ZNF844: variants seen among roughly 807,000 people sequenced by gnomAD.
ZNF844 encodes zinc finger protein 844.
In ZNF844, 11 loss-of-function variants were observed where a neutral mutation model predicts 11.4. The ratio of observed to expected loss-of-function variants is 0.97; its 90% CI spans 0.61 to 1.60. The LOEUF is 1.60. ZNF844 is among the 40% of genes most tolerant of loss of function. The pLI is 0.00. For synonymous variants in ZNF844, 248 were observed against 260.3 expected (o/e 0.95, Z 0.46); for missense variants, 790 against 796.8 (o/e 0.99, Z 0.10).
At chr19:12,071,096 T>C (rs1975748527) in intron 1 of ZNF844, among the ~76,000 whole-genome samples, 1 of 152,162 alleles carries the variant, frequency 6.6e-6, no homozygotes, top group Non-Finnish European at 1.5e-5. Context: ...CCCAGCCTAG[T>C]TCTTGCTAGG....
intron 1 of ZNF844, among the ~76,000 whole-genome samples, chr19:12,073,777 C>T (rs1444133856): frequency 1.3e-5 from 2 of 152,216 alleles, no homozygotes; most frequent in African/African-American, 4.8e-5. Flanking sequence ...CCAGGCAGCG[C>T]ACCTTTCTCC....
chr19:12,074,601 G>A (rs890622585), intron 3 of ZNF844, among the ~76,000 whole-genome samples, 180 bp downstream of exon 3: 5 of 152,206 alleles, frequency 3.3e-5, no homozygotes, highest in Non-Finnish European at 7.3e-5. Context: ...GCTCACACCT[G>A]TAATTTCAAC....
At chr19:12,067,237 CCAGT>C (rs1975698988) in intron 1 of ZNF844, among the ~76,000 whole-genome samples, 1 of 151,856 alleles carries the variant, frequency 6.6e-6, no homozygotes, top group South Asian at 2.1e-4. Context: ...TCCCTGGAGG[CCAGT>C]CAGTCAAGGC....
intron 1 of ZNF844, among the ~76,000 whole-genome samples, chr19:12,065,850 G>T (rs371001474): frequency 3.3e-5 from 5 of 152,098 alleles, no homozygotes; most frequent in African/African-American, 1.2e-4. Flanking sequence ...GGCCAAGGTG[G>T]TCTTGAACTC....
At chr19:12,067,903 C>T (rs147737282) in intron 1 of ZNF844, among the ~76,000 whole-genome samples, 1,281 of 91,924 alleles carry the variant, frequency 0.014, 15 homozygotes, top group African/African-American at 0.052. Flanking sequence ...CAGAGCGAGA[C>T]TCTGTCTCAA....
Position 12,071,467 on chromosome 19 carries a change from G to A in ZNF844, c.4-2564G>A, listed in dbSNP as rs575859255. 7.2e-5 allele frequency among the ~76,000 whole-genome samples: 11 copies of A among 152,232 alleles called. 1 individual carries two copies. The East Asian group carries it at 1.9e-3, about 27-fold the overall frequency. On this transcript the variant is annotated intron_variant, in intron 1 of 3. Transcript: ENST00000439326. Reference sequence around the variant, plus strand: ...GCTTGTGTAAAATTCAATGAATGCTGGCAGCAAGCTGCACTTTTTTTTCTA... The same window carrying A: ...GCTTGTGTAAAATTCAATGAATGCTAGCAGCAAGCTGCACTTTTTTTTCTA...
chr19:12,068,205 G>A (rs1457428816), intron 1 of ZNF844, among the ~76,000 whole-genome samples: 1 of 152,080 alleles, frequency 6.6e-6, no homozygotes, highest in African/African-American at 2.4e-5. Flanking sequence ...AGCCACTTGG[G>A]AGGCTGAAGT....
rs1975810456 is a variant in ZNF844 at position 12,076,040 on chromosome 19, AG to A, written c.922del (p.Ala308LeufsTer22). ...QIHERTHSEE[K>X]AYECTKCGKA... Reference sequence around the variant, plus strand: ...CATGAAAGAACTCACAGTGAGGAGAAGGCTTATGAATGTACCAAATGTGGGA... The same window carrying A: ...CATGAAAGAACTCACAGTGAGGAGAAGCTTATGAATGTACCAAATGTGGGA... On this transcript the variant is annotated frameshift_variant, in exon 4 of 4. Transcript: ENST00000439326. LOFTEE classifies it low-confidence loss of function (END_TRUNC). The A allele has an allele frequency of 7.7e-6, 12 of 1,566,462 alleles. No homozygotes were observed. Among genetic ancestry groups the A allele is most frequent in the Non-Finnish European group, 1.0e-5 (12 of 1,155,104 alleles).
At chr19:12,071,940 T>A (rs1975757820) in intron 1 of ZNF844, among the ~76,000 whole-genome samples, 1 of 150,914 alleles carries the variant, frequency 6.6e-6, no homozygotes. Flanking sequence ...CAGCCTGGAG[T>A]GCAGTGGCAT....
Position 12,066,805 on chromosome 19 carries a change from C to T in ZNF844, c.3+1929C>T, listed in dbSNP as rs76466283. Among the ~76,000 whole-genome samples the T allele has an allele frequency of 1.9e-3, 286 of 151,858 alleles. 6 individuals carry two copies. The East Asian group carries it at 0.051, about 27-fold the overall frequency. On this transcript the variant is annotated intron_variant, in intron 1 of 3. Transcript: ENST00000439326. ...TCATGATCCGCCCACCTCGGCCTCC[C>T]AAAGTGCTGGGATTACAGGCGTGAG...
In ZNF844 at chr19:12,080,546, T is replaced by A. The variant is rs557865532; in HGVS notation, c.*3425T>A. On this transcript the variant is annotated 3_prime_UTR_variant, in exon 4 of 4. Coordinates refer to ENST00000439326, the MANE Select transcript of ZNF844 (RefSeq NM_001136501.3). ...AGGCTGACTCCCTGCTCCCAGCCCA[T>A]TTTTTCCTGAATCTTTGGCTTGCCA... 1.3e-4 allele frequency: 23 copies of A among 174,440 alleles called. No individual in the cohort carries two copies. Among genetic ancestry groups the A allele is most frequent in the Non-Finnish European group, 2.7e-4 (22 of 80,584 alleles). The allele number at this position is 174,440 out of a possible 1,614,324, so 10.8% of individuals were successfully genotyped here. A position where few individuals can be genotyped will look rare whatever the true frequency, so the allele number is the denominator to read the frequency against.
At chr19:12,068,447 G>A (rs1057494840) in intron 1 of ZNF844, among the ~76,000 whole-genome samples, 11 of 152,148 alleles carry the variant, frequency 7.2e-5, no homozygotes, top group African/African-American at 2.7e-4. Context: ...CCAACATGGT[G>A]AAACCCCGTC....
chr19:12,072,986 C>A (rs778892169), intron 1 of ZNF844, among the ~76,000 whole-genome samples: 3 of 152,216 alleles, frequency 2.0e-5, no homozygotes, highest in Non-Finnish European at 2.9e-5. Context: ...GCTCCAGCAT[C>A]ATGGGGTGCC....
chr19:12,075,193 T>G (rs1975793381), intron 3 of ZNF844, 119 bp from the exon 4 acceptor site: 1 of 720,126 alleles, frequency 1.4e-6, no homozygotes. Context: ...CCCTAAAACT[T>G]AAAGTATATT....
At chr19:12,071,458 A>G (rs1362156188) in intron 1 of ZNF844, among the ~76,000 whole-genome samples, 1 of 152,254 alleles carries the variant, frequency 6.6e-6, no homozygotes, top group East Asian at 1.9e-4. Flanking sequence ...GTAAAATTCA[A>G]TGAATGCTGG....
chr19:12,071,091 C>T (rs1046656372), intron 1 of ZNF844, among the ~76,000 whole-genome samples: 3 of 152,122 alleles, frequency 2.0e-5, no homozygotes, highest in Non-Finnish European at 2.9e-5. Flanking sequence ...ATCCTCCCAG[C>T]CTAGTTCTTG....
intron 1 of ZNF844, among the ~76,000 whole-genome samples, chr19:12,066,669 C>G (rs545242856): frequency 1.3e-5 from 2 of 151,346 alleles, no homozygotes; most frequent in South Asian, 2.1e-4. Context: ...GCCTCAGCCT[C>G]CGGAGTAGCT....
At position 12,076,543 on chromosome 19, in the gene ZNF844, C is replaced by G; in HGVS notation, c.1423C>G (p.Pro475Ala). The change falls in exon 4 of 4, where the codon CCT becomes GCT. Residue 475 changes from proline (P) to alanine (A), a missense_variant. By Grantham distance (27) the Pro-to-Ala change is conservative. Transcript: ENST00000439326. ...CMEGLTLKRN[P>A]MNVSSVVKPS... is the part of the protein sequence containing the mutation. ...GGAAGGACTCACACTCAAGAGAAAC[C>G]CTATGAATGTAAGCAGTGTGGTAAA... is the stretch of plus-strand genomic sequence containing the variant. 1 of 1,606,698 alleles carries G rather than the reference C, an allele frequency of 6.2e-7. No homozygotes were observed. The highest frequency in any genetic ancestry group is 8.5e-7 in the Non-Finnish European group (1 of 1,177,268).
chr19:12,073,815 C>A (rs552699941), intron 1 of ZNF844, among the ~76,000 whole-genome samples: 2 of 152,208 alleles, frequency 1.3e-5, no homozygotes, highest in South Asian at 2.1e-4. Flanking sequence ...ACACATTTTT[C>A]TATTCTGCTG....
Sources: gnomAD v4.1 joint callset for allele counts (sites outside exome capture counted in the v4.1 genomes callset) on GRCh38, gnomAD v4.1.1 for gene constraint, MANE v1.5 for transcripts, NCBI Gene and HGNC (gene_info 2026-07-23, HGNC 2026-07-21) for gene names.